PPP6R2: variants seen among roughly 807,000 people sequenced by gnomAD.
The protein encoded by PPP6R2 is serine/threonine-protein phosphatase 6 regulatory subunit 2.
A neutral mutation model predicts 100.2 loss-of-function variants in PPP6R2; 62 were observed. The ratio of observed to expected loss-of-function variants is 0.62; its 90% CI spans 0.50 to 0.76. The LOEUF (loss-of-function observed/expected upper bound fraction) is 0.76. Among genes scored for constraint, PPP6R2 ranks in the 30% least tolerant of loss-of-function variants. The probability of loss-of-function intolerance (pLI) is 0.00; values close to 1 mark genes in which losing one functional copy is unlikely to be tolerated. For missense variants in PPP6R2, 1,142 were observed against 1,276.3 expected, an observed-to-expected ratio of 0.89 and a Z score of 1.60; for synonymous variants, 525 against 514.7, an observed-to-expected ratio of 1.02 and a Z score of -0.27.
At chr22:50,387,797 A>C (rs1004814437) in intron 2 of PPP6R2, among the ~76,000 whole-genome samples, 2 of 152,216 alleles carry the variant, frequency 1.3e-5, no homozygotes, top group Admixed American at 6.5e-5. Flanking sequence ...CAGTGACTTT[A>C]TCTCTGTTTC....
At chr22:50,355,170 T>G (rs2046201804) in intron 1 of PPP6R2, among the ~76,000 whole-genome samples, 1 of 151,830 alleles carries the variant, frequency 6.6e-6, no homozygotes, top group East Asian at 1.9e-4. Context: ...GATTTTTGGT[T>G]TAGGGATACT....
At chr22:50,413,899 G>A (rs2060114824) in intron 4 of PPP6R2, among the ~76,000 whole-genome samples, 2 of 152,170 alleles carry the variant, frequency 1.3e-5, no homozygotes, top group Non-Finnish European at 2.9e-5. Flanking sequence ...TTTGCAGCGA[G>A]CCCAGCCTTC....
At chr22:50,352,655 G>T (rs1335676065) in intron 1 of PPP6R2, among the ~76,000 whole-genome samples, 1 of 151,842 alleles carries the variant, frequency 6.6e-6, no homozygotes, top group Non-Finnish European at 1.5e-5. Context: ...AACCAAGGAG[G>T]TGGAAGTTGC....
intron 10 of PPP6R2, among the ~76,000 whole-genome samples, chr22:50,427,963 G>T (rs559410255): frequency 6.6e-6 from 1 of 152,232 alleles, no homozygotes; most frequent in South Asian, 2.1e-4. Context: ...CTCGTGATCC[G>T]CCCACCTTGG....
chr22:50,334,594 C>G, the PPP6R2 span, among the ~76,000 whole-genome samples: 1 of 152,144 alleles, frequency 6.6e-6, no homozygotes, highest in Non-Finnish European at 1.5e-5. Flanking sequence ...ACCTGGGTGG[C>G]TTGCCGCCCA....
At chr22:50,429,001 G>C (rs1337884859) in intron 10 of PPP6R2, among the ~76,000 whole-genome samples, 1 of 151,522 alleles carries the variant, frequency 6.6e-6, no homozygotes. Context: ...TCTATTCCTA[G>C]TTTGAGTGTT....
At chr22:50,367,348 A>G (rs944625995) in intron 1 of PPP6R2, among the ~76,000 whole-genome samples, 1 of 152,128 alleles carries the variant, frequency 6.6e-6, no homozygotes, top group African/African-American at 2.4e-5. Flanking sequence ...TGCTGAGGGA[A>G]TGATAAGAAA....
At chr22:50,334,384 T>C in the PPP6R2 span, among the ~76,000 whole-genome samples, 2 of 152,248 alleles carry the variant, frequency 1.3e-5, no homozygotes, top group Non-Finnish European at 2.9e-5. Context: ...CTCCTATCTC[T>C]GTATGGCCTG....
At chr22:50,380,216 G>A (rs948904312) in intron 2 of PPP6R2, among the ~76,000 whole-genome samples, 1 of 151,942 alleles carries the variant, frequency 6.6e-6, no homozygotes, top group African/African-American at 2.4e-5. Context: ...AGAAAGAGAA[G>A]GTGCCAGTCT....
Position 50,343,527 on chromosome 22 carries a change from C to T in PPP6R2, c.-171C>T, listed in dbSNP as rs1055457307. The T allele has an allele frequency of 6.6e-6, 1 of 151,878 alleles. No individual in the cohort carries two copies. Among genetic ancestry groups the T allele is most frequent in the African/African-American group, 2.4e-5 (1 of 41,324 alleles). 9.4% of individuals were successfully genotyped at this position (151,878 alleles called of 1,614,324 possible). On this transcript the variant is annotated 5_prime_UTR_variant, in exon 1 of 24. Coordinates refer to ENST00000612753, the MANE Select transcript of PPP6R2 (RefSeq NM_001242898.2). ...TCCACACGGGCCTCCGAAGAGCTGC[C>T]GCGACGCCCGGCCCGCAGGGCAGGT...
At chr22:50,441,763 G>A (rs1029306329) in intron 22 of PPP6R2, among the ~76,000 whole-genome samples, 2 of 152,112 alleles carry the variant, frequency 1.3e-5, no homozygotes, top group Non-Finnish European at 2.9e-5. Context: ...AACCCCATCC[G>A]TCCCCAGGGC....
chr22:50,367,071 T>G lies in PPP6R2; in HGVS notation c.-147-4949T>G, dbSNP rs1387988783. ...AACAAAAGCATAAAAAATGGAGGCT[T>G]TTTAATGAAAGCTTAAGTTAGTGTA... On this transcript the variant is annotated intron_variant, in intron 1 of 23. Coordinates refer to ENST00000612753, the MANE Select transcript of PPP6R2 (RefSeq NM_001242898.2). 2.0e-5 allele frequency among the ~76,000 whole-genome samples: 3 copies of G among 152,108 alleles called. No individual in the cohort carries two copies. The East Asian group carries it at 5.8e-4, about 29-fold the overall frequency.
intron 6 of PPP6R2, among the ~76,000 whole-genome samples, chr22:50,416,580 C>G (rs1451792252): frequency 6.6e-6 from 1 of 151,980 alleles, no homozygotes; most frequent in Admixed American, 6.6e-5. Flanking sequence ...ATCCTCCTAC[C>G]TCAGCCTCCT....
rs780466912 is a variant in PPP6R2 at position 50,422,294 on chromosome 22, A to T, written c.886A>T (p.Arg296Trp). 1 of 1,614,054 alleles carries T rather than the reference A, an allele frequency of 6.2e-7. No homozygotes were observed. The highest frequency in any genetic ancestry group is 8.5e-7 in the Non-Finnish European group (1 of 1,179,956). ...LVDSFSQGLE[R>W]SYAVSSSVLH... Reference sequence around the variant, plus strand: ...GGACTCCTTTTCTCAGGGACTGGAAAGGTCATACGCTGTCAGCAGCAGCGT... The same window carrying T: ...GGACTCCTTTTCTCAGGGACTGGAATGGTCATACGCTGTCAGCAGCAGCGT... Residue 296 changes from arginine (R) to tryptophan (W), a missense_variant, in exon 9 of 24, where the codon AGG becomes TGG. Physicochemically the swap from Arg to Trp is moderately radical, Grantham distance 101 (BLOSUM62 -3). Transcript: ENST00000612753.
At chr22:50,411,764 G>C (rs1288861582) in intron 4 of PPP6R2, among the ~76,000 whole-genome samples, 1 of 148,392 alleles carries the variant, frequency 6.7e-6, no homozygotes, top group African/African-American at 2.5e-5. Context: ...ACAAAAACAA[G>C]GCCTGGCGCA....
At chr22:50,376,615 G>A (rs2051619259) in intron 2 of PPP6R2, among the ~76,000 whole-genome samples, 1 of 151,918 alleles carries the variant, frequency 6.6e-6, no homozygotes, top group Admixed American at 6.6e-5. Context: ...GTAAAAACAG[G>A]TTTTTGCCGT....
At chr22:50,357,056 A>C (rs187463789) in intron 1 of PPP6R2, among the ~76,000 whole-genome samples, 1 of 152,228 alleles carries the variant, frequency 6.6e-6, no homozygotes, top group East Asian at 1.9e-4. Flanking sequence ...TAGCCTTTTT[A>C]CTTTTAGCCA....
chr22:50,440,105 C>T, intron 21 of PPP6R2, 56 bp downstream of exon 21: 1 of 1,488,188 alleles, frequency 6.7e-7, no homozygotes, highest in South Asian at 1.2e-5. Context: ...GGCCTGAGGC[C>T]AGCTGGCCCC....
intron 1 of PPP6R2, among the ~76,000 whole-genome samples, chr22:50,351,627 GTTTTTGT>G (rs1312597835): frequency 1.7e-4 from 26 of 151,864 alleles, no homozygotes; most frequent in Middle Eastern, 3.4e-3. Flanking sequence ...TTGCTGTTTT[GTTTTTGT>G]TTTTTGTTTT....
Sources: allele counts gnomAD v4.1 joint callset (sites outside exome capture counted in the v4.1 genomes callset), GRCh38; gene constraint gnomAD v4.1.1; transcripts MANE v1.5; gene names NCBI Gene and HGNC (gene_info 2026-07-23, HGNC 2026-07-21).